The following LGALS9C variants were observed in gnomAD, a reference collection of about 807,000 sequenced individuals.
LGALS9C encodes the protein galectin 9C.
LGALS9C carries 7 observed loss-of-function variants against 41.3 expected under a neutral mutation model. The ratio of observed to expected loss-of-function variants is 0.17; its 90% CI spans 0.10 to 0.32. The LOEUF (loss-of-function observed/expected upper bound fraction) is 0.32. LGALS9C is among the 10% of genes least tolerant of loss of function. The probability of loss-of-function intolerance (pLI) is 1.00; values close to 1 mark genes in which losing one functional copy is unlikely to be tolerated. For synonymous variants in LGALS9C, 44 were observed against 171.0 expected, an observed-to-expected ratio of 0.26 and a Z score of 5.80; for missense variants, 102 against 455.2, an observed-to-expected ratio of 0.22 and a Z score of 7.06.
rs1362816546 is a variant in LGALS9C at position 18,486,963 on chromosome 17, A to C, written c.334-684A>C. 3 of 143,300 alleles carry C rather than the reference A, an allele frequency of 2.1e-5. 1 individual carries two copies. The highest frequency in any genetic ancestry group is 7.9e-5 in the African/African-American group (3 of 38,084). 8.9% of individuals were successfully genotyped at this position (143,300 alleles called of 1,614,324 possible). A position where few individuals can be genotyped will look rare whatever the true frequency, so the allele number is the denominator to read the frequency against. ...AAGGTGAAGGGTTGATCTGTGCAGCAAAACACTGTGGCACACATTTACCTA... is the reference window on the plus strand; with the variant it reads ...AAGGTGAAGGGTTGATCTGTGCAGCCAAACACTGTGGCACACATTTACCTA... On this transcript the variant is annotated intron_variant, in intron 3 of 10. Transcript: ENST00000328114.
rs1375696686 is a variant in LGALS9C at position 18,488,981 on chromosome 17, T to TGCC, written c.487_489dup (p.Pro163dup). The TGCC allele has an allele frequency of 6.7e-7, 1 of 1,503,234 alleles. No individual in the cohort carries two copies. The highest frequency in any genetic ancestry group is 1.4e-5 in the African/African-American group (1 of 72,016). The allele number at this position is 1,503,234 out of a possible 1,614,324, so 93.1% of individuals were successfully genotyped here. A position where few individuals can be genotyped will look rare whatever the true frequency, so the allele number is the denominator to read the frequency against. On this transcript the variant is annotated inframe_insertion, in exon 5 of 11. Coordinates refer to ENST00000328114, the MANE Select transcript of LGALS9C (RefSeq NM_001040078.3). ...CCCGTTCAGCCTGCCTTCTCCACGGTGCCGTTCTCCCAGCCTGTCTGTTTC... is the reference window on the plus strand; with the variant it reads ...CCCGTTCAGCCTGCCTTCTCCACGGTGCCGCCGTTCTCCCAGCCTGTCTGTTTC...
intron 1 of LGALS9C, among the ~76,000 whole-genome samples, chr17:18,478,549 A>C (rs1989287039): frequency 7.7e-6 from 1 of 129,180 alleles, no homozygotes; most frequent in South Asian, 2.4e-4. Context: ...TGTCCTGCTG[A>C]GGAGGGCTGA....
chr17:18,488,163 C>A (rs1989672112), intron 4 of LGALS9C, among the ~76,000 whole-genome samples: 1 of 129,502 alleles, frequency 7.7e-6, no homozygotes, highest in African/African-American at 2.6e-5. Flanking sequence ...TCAGTTTTGT[C>A]ATCTGTAGAA....
At chr17:18,484,819 C>A (rs1470440231) in intron 2 of LGALS9C, among the ~76,000 whole-genome samples, 7 of 150,646 alleles carry the variant, frequency 4.6e-5, no homozygotes, top group Non-Finnish European at 1.0e-4. Flanking sequence ...TGCCATCCTG[C>A]TGTCGGACTT....
intron 5 of LGALS9C, chr17:18,489,792 A>C: frequency 2.1e-5 from 2 of 93,728 alleles, no homozygotes; most frequent in Non-Finnish European, 2.4e-5. Flanking sequence ...TGTCCCTGTC[A>C]CTCCACCCCC....
rs1219291811 is a variant in LGALS9C, at chr17:18,492,562, A to G, written c.761+17A>G. ...TGCTCAGAGGTAAGCCAAAGGCTCC[A>G]GTGACCTCTGGGAAGAGAGAGCCCT... On this transcript the variant is annotated intron_variant, in intron 9 of 10. Transcript: ENST00000328114. The G allele has an allele frequency of 1.3e-6, 2 of 1,588,408 alleles. No individual in the cohort carries two copies. The highest frequency in any genetic ancestry group is 1.1e-5 in the South Asian group (1 of 89,736).
intron 1 of LGALS9C, among the ~76,000 whole-genome samples, chr17:18,483,235 C>T (rs1377955955): frequency 7.3e-5 from 10 of 136,636 alleles, no homozygotes; most frequent in East Asian, 1.9e-4. Context: ...GGGGAAACTA[C>T]GCTGGGGCTC....
At position 18,492,480 on chromosome 17, in the gene LGALS9C, T is replaced by G; in HGVS notation, c.696T>G (p.Ile232Met). The G allele has an allele frequency of 1.9e-6, 3 of 1,552,460 alleles. No homozygotes were observed. The highest frequency in any genetic ancestry group is 2.7e-6 in the Non-Finnish European group (3 of 1,131,438). ...AGCCGATGCCTTTCATCACCACCAT[T>G]CCGGGAGGGCTGTACCCATCCAAGT... The part of the protein sequence containing the change: ...PAYPMPFITT[I>M]PGGLYPSKSI... Residue 232 changes from isoleucine to methionine, a missense_variant, in exon 9 of 11, where the codon ATT becomes ATG. Coordinates refer to ENST00000328114, the MANE Select transcript of LGALS9C (RefSeq NM_001040078.3).
At chr17:18,487,848 A>G (rs1989658674) in intron 4 of LGALS9C, 91 bp downstream of exon 4, 2 of 1,557,946 alleles carry the variant, frequency 1.3e-6, no homozygotes, top group African/African-American at 1.3e-5. Flanking sequence ...ACCCAAGCCA[A>G]TCTCCTACCC....
chr17:18,477,037 G>A, intron 1 of LGALS9C, 144 bp downstream of exon 1: 1 of 972,630 alleles, frequency 1.0e-6, no homozygotes, highest in Non-Finnish European at 1.6e-6. Flanking sequence ...TGTCAGTGGG[G>A]GTCGTCCTGG....
At chr17:18,482,805 C>A (rs1431537428) in intron 1 of LGALS9C, among the ~76,000 whole-genome samples, 1 of 130,648 alleles carries the variant, frequency 7.7e-6, no homozygotes, top group African/African-American at 2.6e-5. Context: ...TGAGATAGAA[C>A]TGTGCTTTAA....
rs1315568889 is a variant in LGALS9C, at chr17:18,494,353, C to T, written c.1057C>T (p.His353Tyr). The change falls in exon 11 of 11, where the codon CAC (histidine) becomes TAC (tyrosine). Residue 353 changes from histidine (H) to tyrosine (Y), a missense_variant. His to Tyr is a moderately conservative substitution (Grantham distance 83). Transcript: ENST00000328114. ...AGTGGGTGGCGACATCCAGCTGACCCACGTGCAGACATAGGCGGCTCCCTG... is the reference window on the plus strand; with the variant it reads ...AGTGGGTGGCGACATCCAGCTGACCTACGTGCAGACATAGGCGGCTCCCTG... ...LEVGGDIQLT[H>Y]VQT The T allele has an allele frequency of 6.5e-7, 1 of 1,528,952 alleles. No individual in the cohort carries two copies. Among genetic ancestry groups the T allele is most frequent in the African/African-American group, 1.4e-5 (1 of 73,634 alleles). The allele number at this position is 1,528,952 out of a possible 1,614,324, so 94.7% of individuals were successfully genotyped here.
At chr17:18,492,886 G>A in intron 10 of LGALS9C, 27 bp downstream of exon 10, 1 of 1,442,642 alleles carries the variant, frequency 6.9e-7, no homozygotes, top group Non-Finnish European at 9.6e-7. Flanking sequence ...TGGAGCTTGA[G>A]GAGGCTCCTA....
chr17:18,482,870 T>C (rs989100828), intron 1 of LGALS9C, among the ~76,000 whole-genome samples: 5 of 124,556 alleles, frequency 4.0e-5, no homozygotes, highest in African/African-American at 1.1e-4. Context: ...ACTTTGAAAA[T>C]TGGAAGTACC....
intron 10 of LGALS9C, among the ~76,000 whole-genome samples, chr17:18,493,186 C>T (rs1356503012): frequency 4.1e-5 from 5 of 121,670 alleles, no homozygotes; most frequent in African/African-American, 1.1e-4. Context: ...AACGATTTCA[C>T]TGTCGCCCGC....
In LGALS9C at chr17:18,492,350, T is replaced by G; in HGVS notation, c.673-107T>G. On this transcript the variant is annotated intron_variant, in intron 8 of 10. Transcript: ENST00000328114. The stretch of plus-strand genomic sequence containing the variant: ...GAACCAAGGAAAGATATCGTGGGCT[T>G]CTTCTCAGCTGACAGCCTAAATTCA... 4 of 1,391,108 alleles carry G rather than the reference T, an allele frequency of 2.9e-6. No homozygotes were observed. The South Asian group carries it at 4.9e-5, about 17-fold the overall frequency. The allele number at this position is 1,391,108 out of a possible 1,614,324, so 86.2% of individuals were successfully genotyped here. A position where few individuals can be genotyped will look rare whatever the true frequency, so the allele number is the denominator to read the frequency against.
chr17:18,481,858 A>G (rs1313989489), intron 1 of LGALS9C, among the ~76,000 whole-genome samples: 1 of 138,258 alleles, frequency 7.2e-6, no homozygotes, highest in East Asian at 1.9e-4. Context: ...AATACAGACC[A>G]GAAAGCAGTG....
At chr17:18,493,970 C>T (rs1446216593) in intron 10 of LGALS9C, among the ~76,000 whole-genome samples, 1 of 126,726 alleles carries the variant, frequency 7.9e-6, no homozygotes, top group Non-Finnish European at 1.9e-5. Context: ...GTGCTGGGTC[C>T]GAGGGATACA....
chr17:18,494,618 G>C lies in LGALS9C; in HGVS notation c.*251G>C, dbSNP rs1359637018. ...CTGCTGGAATCCTACAATCCCAGAA[G>C]GCGGGCACAGCCAGGGAGAGGGGAG... On this transcript the variant is annotated 3_prime_UTR_variant, in exon 11 of 11. Transcript: ENST00000328114. 2 of 581,562 alleles carry C rather than the reference G, an allele frequency of 3.4e-6. No individual in the cohort carries two copies. The highest frequency in any genetic ancestry group is 3.6e-5 in the African/African-American group (2 of 54,936). 36.0% of individuals were successfully genotyped at this position (581,562 alleles called of 1,614,324 possible). A position where few individuals can be genotyped will look rare whatever the true frequency, so the allele number is the denominator to read the frequency against.
Sources: allele counts gnomAD v4.1 joint callset (sites outside exome capture counted in the v4.1 genomes callset), GRCh38; gene constraint gnomAD v4.1.1; transcripts MANE v1.5; gene names NCBI Gene and HGNC (gene_info 2026-07-23, HGNC 2026-07-21).